EYS: variants seen among roughly 807,000 people sequenced by gnomAD.
The protein encoded by EYS is protein eyes shut homolog.
In EYS, 250 loss-of-function variants were observed where a neutral mutation model predicts 282.1. The ratio of observed to expected loss-of-function variants is 0.89; its 90% CI spans 0.80 to 0.98. The LOEUF (loss-of-function observed/expected upper bound fraction) is 0.98. Among genes scored for constraint, EYS ranks in the 50% least tolerant of loss-of-function variants. EYS has a pLI of 0.00. For synonymous variants in EYS, 1,355 were observed against 1,282.9 expected (o/e 1.06, Z -1.20); for missense variants, 4,016 against 3,709.0 (o/e 1.08, Z -2.15).
intron 15 of EYS, among the ~76,000 whole-genome samples, chr6:64,916,866 C>T (rs1768182263): frequency 6.6e-6 from 1 of 152,162 alleles, no homozygotes; most frequent in South Asian, 2.1e-4. Flanking sequence ...TTGAACACTT[C>T]TAAGGACAAC....
At chr6:65,138,222 T>C (rs1776076663) in intron 12 of EYS, among the ~76,000 whole-genome samples, 1 of 152,074 alleles carries the variant, frequency 6.6e-6, no homozygotes, top group Non-Finnish European at 1.5e-5. Context: ...TCATTAGTAA[T>C]CACAGAAATG....
intron 11 of EYS, chr6:65,331,379 T>A (rs1328784803): frequency 2.8e-5 from 22 of 778,510 alleles, no homozygotes; most frequent in Non-Finnish European, 3.4e-5. Flanking sequence ...AGCATCTTTT[T>A]TTTAATTCTA....
chr6:64,060,160 G>T (rs577800396), intron 33 of EYS, among the ~76,000 whole-genome samples: 70 of 152,196 alleles, frequency 4.6e-4, no homozygotes, highest in African/African-American at 1.7e-3. Flanking sequence ...CTACCAGCAT[G>T]CAATCCATAG....
intron 22 of EYS, among the ~76,000 whole-genome samples, chr6:64,749,078 C>A (rs539837209): frequency 1.3e-5 from 2 of 152,288 alleles, no homozygotes; most frequent in African/African-American, 4.8e-5. Flanking sequence ...TGGCCTAATG[C>A]CACATATTTA....
rs12194356 is a variant in EYS, at chr6:64,301,944, C to T, written c.6191+5026G>A. Reference sequence around the variant, plus strand: ...GGCTTTGGAGACTTTTTCCGCTCAGCCCATCAATATTGTTAGCGACTCTGC... The same window carrying T: ...GGCTTTGGAGACTTTTTCCGCTCAGTCCATCAATATTGTTAGCGACTCTGC... On this transcript the variant is annotated intron_variant, in intron 30 of 42. Transcript: ENST00000503581. 1.4e-3 allele frequency among the ~76,000 whole-genome samples: 217 copies of T among 152,246 alleles called. 2 individuals are homozygous for T. The highest frequency in any genetic ancestry group is 3.4e-3 in the Middle Eastern group (1 of 294).
intron 30 of EYS, among the ~76,000 whole-genome samples, chr6:64,275,260 A>G (rs1040692709): frequency 6.6e-6 from 1 of 152,088 alleles, no homozygotes; most frequent in Non-Finnish European, 1.5e-5. Context: ...TCAAGTTCTG[A>G]TAGGGTTGTC....
chr6:65,461,030 T>A (rs973524276), intron 5 of EYS, among the ~76,000 whole-genome samples: 2 of 152,146 alleles, frequency 1.3e-5, no homozygotes, highest in Non-Finnish European at 2.9e-5. Context: ...GTTTGGTTTA[T>A]CCAGATATTG....
chr6:65,410,077 G>A (rs1024272723), intron 5 of EYS, among the ~76,000 whole-genome samples: 2 of 152,028 alleles, frequency 1.3e-5, no homozygotes, highest in African/African-American at 2.4e-5. Context: ...TTGATTAGAT[G>A]TTTAGTGGTA....
intron 37 of EYS, among the ~76,000 whole-genome samples, chr6:63,791,697 A>G (rs1316695994): frequency 2.0e-5 from 3 of 152,132 alleles, no homozygotes; most frequent in Non-Finnish European, 4.4e-5. Context: ...AGGGTCTAAT[A>G]TGCTGCAATG....
intron 19 of EYS, among the ~76,000 whole-genome samples, chr6:64,865,229 T>TA (rs1185777326): frequency 1.3e-5 from 2 of 152,060 alleles, no homozygotes; most frequent in Admixed American, 6.5e-5. Flanking sequence ...GGTGTGGAAA[T>TA]AAAAAATTGC....
chr6:65,223,423 G>A (rs11966927), intron 12 of EYS, among the ~76,000 whole-genome samples: 29,714 of 151,992 alleles, frequency 0.2, 3,210 homozygotes, highest in Middle Eastern at 0.26. Flanking sequence ...ATATTAACAA[G>A]AGAACATATG....
chr6:65,220,001 G>C (rs1030370726), intron 12 of EYS, among the ~76,000 whole-genome samples: 1 of 152,016 alleles, frequency 6.6e-6, no homozygotes, highest in Non-Finnish European at 1.5e-5. Context: ...AGATTTGAGG[G>C]GGAGGCATAA....
intron 12 of EYS, among the ~76,000 whole-genome samples, chr6:65,058,252 G>T (rs927749551): frequency 6.6e-6 from 1 of 152,028 alleles, no homozygotes; most frequent in Non-Finnish European, 1.5e-5. Context: ...CCGGGTTCAA[G>T]AAATTATCCA....
chr6:65,617,580 T>G (rs1182909752), intron 2 of EYS, among the ~76,000 whole-genome samples: 1 of 151,874 alleles, frequency 6.6e-6, no homozygotes, highest in Non-Finnish European at 1.5e-5. Context: ...ACTTTAAGTT[T>G]TAGGGTACAT....
In EYS at chr6:64,028,880, G is replaced by A. The variant is rs765369264; in HGVS notation, c.6726-29697C>T. Among the ~76,000 whole-genome samples the A allele has an allele frequency of 1.1e-4, 17 of 152,298 alleles. 1 individual carries two copies. In the Middle Eastern group the frequency reaches 0.014, roughly 122 times the overall value. On this transcript the variant is annotated intron_variant, in intron 33 of 42. Transcript: ENST00000503581. Reference sequence around the variant, plus strand: ...GGTCAAAGGCCCAGCTTTGCCTACAGCATGTCAAATATCTAGGCCTAATCT... The same window carrying A: ...GGTCAAAGGCCCAGCTTTGCCTACAACATGTCAAATATCTAGGCCTAATCT...
intron 14 of EYS, among the ~76,000 whole-genome samples, chr6:64,992,126 C>A (rs1771085682): frequency 6.6e-6 from 1 of 151,830 alleles, no homozygotes; most frequent in Admixed American, 6.6e-5. Context: ...CCAGCTCCTA[C>A]ATTTTATGGA....
intron 5 of EYS, among the ~76,000 whole-genome samples, chr6:65,448,876 A>T (rs974757522): frequency 6.6e-6 from 1 of 152,102 alleles, no homozygotes; most frequent in South Asian, 2.1e-4. Flanking sequence ...TATTGCATTC[A>T]AGAAGGCTGT....
chr6:64,547,322 C>T (rs1353630408), intron 26 of EYS, among the ~76,000 whole-genome samples: 3 of 151,978 alleles, frequency 2.0e-5, no homozygotes, highest in East Asian at 1.9e-4. Flanking sequence ...TACAGAGAGC[C>T]GACTGCTCCA....
chr6:64,337,478 G>T (rs1053122600), intron 29 of EYS, among the ~76,000 whole-genome samples: 1 of 151,896 alleles, frequency 6.6e-6, no homozygotes, highest in Non-Finnish European at 1.5e-5. Context: ...TGAGATTGAG[G>T]TGGTAATTAA....
Sources: allele counts gnomAD v4.1 joint callset (sites outside exome capture counted in the v4.1 genomes callset), GRCh38; gene constraint gnomAD v4.1.1; transcripts MANE v1.5; gene names NCBI Gene and HGNC (gene_info 2026-07-23, HGNC 2026-07-21).